Variants in SNTG2 observed in about 807,000 individuals in gnomAD.
The protein encoded by SNTG2 is gamma-2-syntrophin.
Under a neutral mutation model 70.9 loss-of-function variants are expected in SNTG2, and 74 were observed. That is an observed-to-expected ratio of 1.04 (90% CI 0.86 to 1.27). SNTG2 has a LOEUF of 1.27. Among genes scored for constraint, SNTG2 ranks in the 50% most tolerant of loss-of-function variants. The probability of loss-of-function intolerance (pLI) is 0.00; values close to 1 mark genes in which losing one functional copy is unlikely to be tolerated. For missense variants in SNTG2, 717 were observed against 690.7 expected (o/e 1.04, Z -0.43); for synonymous variants, 278 against 273.8 (o/e 1.02, Z -0.15).
intron 13 of SNTG2, among the ~76,000 whole-genome samples, chr2:1,261,611 G>GT (rs771556269): frequency 6.6e-6 from 1 of 152,090 alleles, no homozygotes; most frequent in Non-Finnish European, 1.5e-5. Flanking sequence ...ACTATGGAGC[G>GT]TCCTGTGTGA....
intron 7 of SNTG2, among the ~76,000 whole-genome samples, chr2:1,166,924 A>C (rs1468405425): frequency 6.6e-6 from 1 of 152,136 alleles, no homozygotes; most frequent in African/African-American, 2.4e-5. Flanking sequence ...ACGAGACTCC[A>C]GGAGAAAACC....
chr2:1,122,255 T>C (rs1030146664), intron 4 of SNTG2, among the ~76,000 whole-genome samples: 12 of 152,198 alleles, frequency 7.9e-5, no homozygotes, highest in Non-Finnish European at 1.0e-4. Flanking sequence ...TATACATTTT[T>C]AAAAGCCAGC....
At chr2:1,123,269 GA>G (rs35572864) in intron 4 of SNTG2, among the ~76,000 whole-genome samples, 3 of 150,960 alleles carry the variant, frequency 2.0e-5, no homozygotes, top group African/African-American at 7.3e-5. Flanking sequence ...ACAGTTCTAA[GA>G]AAAAAAAAGT....
At chr2:1,002,975 C>G (rs539368637) in intron 1 of SNTG2, among the ~76,000 whole-genome samples, 3 of 152,070 alleles carry the variant, frequency 2.0e-5, no homozygotes, top group South Asian at 2.1e-4. Flanking sequence ...AGGTCATTAT[C>G]TTAAACGAAT....
chr2:1,006,977 C>T (rs1247949961), intron 1 of SNTG2, among the ~76,000 whole-genome samples: 8 of 151,876 alleles, frequency 5.3e-5, no homozygotes, highest in South Asian at 2.1e-4. Context: ...TTCAGTGAGC[C>T]GAGATTGTGC....
At chr2:1,198,838 A>G (rs1673094309) in intron 8 of SNTG2, among the ~76,000 whole-genome samples, 1 of 152,116 alleles carries the variant, frequency 6.6e-6, no homozygotes, top group Non-Finnish European at 1.5e-5. Context: ...CCATGAAAAA[A>G]AAGTCTAAAA....
intron 11 of SNTG2, among the ~76,000 whole-genome samples, chr2:1,243,707 G>T (rs983278121): frequency 2.0e-5 from 3 of 152,140 alleles, no homozygotes; most frequent in Non-Finnish European, 2.9e-5. Flanking sequence ...AAATTGCAGC[G>T]CATGATTAAG....
intron 16 of SNTG2, among the ~76,000 whole-genome samples, chr2:1,325,091 C>G (rs1213382255): frequency 6.6e-6 from 1 of 152,194 alleles, no homozygotes; most frequent in Admixed American, 6.5e-5. Context: ...ATAAAGTCAA[C>G]GTCAGTTCCT....
chr2:986,845 ATACT>A (rs1421702568), intron 1 of SNTG2, among the ~76,000 whole-genome samples: 1 of 152,254 alleles, frequency 6.6e-6, no homozygotes, highest in Non-Finnish European at 1.5e-5. Context: ...AAACCAATAA[ATACT>A]TAGCAATTTT....
At chr2:1,202,308 C>G (rs1443241793) in intron 8 of SNTG2, among the ~76,000 whole-genome samples, 1 of 97,894 alleles carries the variant, frequency 1.0e-5, no homozygotes, top group Non-Finnish European at 2.2e-5. Flanking sequence ...AGGGCACAGT[C>G]AGTTGAGGTT....
At chr2:1,132,696 A>T (rs1473561116) in intron 4 of SNTG2, among the ~76,000 whole-genome samples, 3 of 152,164 alleles carry the variant, frequency 2.0e-5, no homozygotes, top group Non-Finnish European at 4.4e-5. Flanking sequence ...GCCATCCTCC[A>T]CTGTGTAAGC....
intron 12 of SNTG2, among the ~76,000 whole-genome samples, chr2:1,255,863 AATAT>A (rs1427581051): frequency 1.9e-4 from 2 of 10,722 alleles, no homozygotes; most frequent in Non-Finnish European, 4.5e-4. Flanking sequence ...AATATATATA[AATAT>A]ATATAAATAT....
At chr2:1,050,252 T>A (rs1456329974) in intron 1 of SNTG2, among the ~76,000 whole-genome samples, 1 of 152,214 alleles carries the variant, frequency 6.6e-6, no homozygotes, top group African/African-American at 2.4e-5. Flanking sequence ...TTCCCCTTCT[T>A]TTCAATAAAT....
intron 4 of SNTG2, among the ~76,000 whole-genome samples, chr2:1,121,791 T>A (rs1343454481): frequency 1.3e-5 from 2 of 152,184 alleles, no homozygotes; most frequent in East Asian, 3.9e-4. Context: ...CTCCACTTGT[T>A]CTCTCCCTTG....
chr2:1,063,083 CTG>C (rs761206514), intron 1 of SNTG2, among the ~76,000 whole-genome samples: 2 of 152,218 alleles, frequency 1.3e-5, no homozygotes, highest in Non-Finnish European at 2.9e-5. Flanking sequence ...TAGCAAGAGA[CTG>C]TAGTAACCAC....
intron 6 of SNTG2, among the ~76,000 whole-genome samples, chr2:1,159,895 A>G (rs1195107869): frequency 1.3e-5 from 2 of 152,208 alleles, no homozygotes; most frequent in Non-Finnish European, 2.9e-5. Context: ...ATGAAAGGGG[A>G]GGGACTAAGA....
chr2:951,567 C>CG (rs1045786790), intron 1 of SNTG2, among the ~76,000 whole-genome samples: 28 of 152,196 alleles, frequency 1.8e-4, no homozygotes, highest in African/African-American at 5.8e-4. Context: ...CTAGGCCATT[C>CG]GGGGAACCGC....
chr2:991,941 C>T (rs1028340412), intron 1 of SNTG2, among the ~76,000 whole-genome samples: 1 of 152,080 alleles, frequency 6.6e-6, no homozygotes, highest in Non-Finnish European at 1.5e-5. Flanking sequence ...ATGCTGTGCT[C>T]ACCTGTTAAG....
rs549606462 is a variant in SNTG2, at chr2:1,216,406, G to GT, written c.719+7183dup. Among the ~76,000 whole-genome samples, 338 of 152,188 alleles carry GT rather than the reference G, an allele frequency of 2.2e-3. 7 individuals carry two copies. The highest frequency in any genetic ancestry group is 0.019 in the Admixed American group (287 of 15,284). ...CGCTCACTTTTTGATGGGGTTGTTT[G>GT]TTTTTTTCTTGTAAATTTGTTTGAG... On this transcript the variant is annotated intron_variant, in intron 9 of 16. Coordinates refer to ENST00000308624, the MANE Select transcript of SNTG2 (RefSeq NM_018968.4).
Sources: gnomAD v4.1 joint callset for allele counts (sites outside exome capture counted in the v4.1 genomes callset) on GRCh38, gnomAD v4.1.1 for gene constraint, MANE v1.5 for transcripts, NCBI Gene and HGNC (gene_info 2026-07-23, HGNC 2026-07-21) for gene names.